The following PLXNA4 variants were observed in gnomAD, a reference collection of about 807,000 sequenced individuals.
PLXNA4 encodes the protein plexin-A4.
A neutral mutation model predicts 191.8 loss-of-function variants in PLXNA4; 44 were observed. The observed-to-expected ratio is 0.23, with a 90% CI of 0.18 to 0.29. The LOEUF is 0.29. PLXNA4 is among the 10% of genes least tolerant of loss of function. The pLI, the probability that PLXNA4 is intolerant of heterozygous loss-of-function variation, is 1.00. For synonymous variants in PLXNA4, 1,082 were observed against 1,009.5 expected (o/e 1.07, Z -1.36); for missense variants, 1,800 against 2,488.8 (o/e 0.72, Z 5.89).
At chr7:132,443,572 C>A (rs1015814930) in intron 3 of PLXNA4, among the ~76,000 whole-genome samples, 1 of 152,146 alleles carries the variant, frequency 6.6e-6, no homozygotes, top group Non-Finnish European at 1.5e-5. Context: ...CGTGCTCAGT[C>A]AATACAAATA....
At chr7:132,167,600 T>C (rs2116662211) in intron 22 of PLXNA4, among the ~76,000 whole-genome samples, 1 of 152,228 alleles carries the variant, frequency 6.6e-6, no homozygotes, top group African/African-American at 2.4e-5. Context: ...AGTGGTGAGA[T>C]CATGGCTCAC....
chr7:132,254,546 A>C (rs780103042), intron 4 of PLXNA4, among the ~76,000 whole-genome samples: 6 of 152,146 alleles, frequency 3.9e-5, no homozygotes, highest in Non-Finnish European at 8.8e-5. Context: ...TGACGATTAA[A>C]TCCTGTTGTC....
At chr7:132,470,845 C>T (rs575560015) in intron 3 of PLXNA4, among the ~76,000 whole-genome samples, 1 of 152,300 alleles carries the variant, frequency 6.6e-6, no homozygotes, top group East Asian at 1.9e-4. Context: ...CCTAGAACCT[C>T]CAAAAAGGGA....
At chr7:132,543,366 G>A (rs568042943) in intron 1 of PLXNA4, among the ~76,000 whole-genome samples, 8 of 152,164 alleles carry the variant, frequency 5.3e-5, no homozygotes, top group South Asian at 2.1e-4. Context: ...TTAGACCCTC[G>A]GCTGCCTCTT....
chr7:132,638,521 G>A (rs1585422172), intron 2 of PLXNA4, among the ~76,000 whole-genome samples: 1 of 152,204 alleles, frequency 6.6e-6, no homozygotes, highest in Middle Eastern at 3.4e-3. Context: ...GCGTGATGGT[G>A]TGTGCCTGTA....
intron 4 of PLXNA4, among the ~76,000 whole-genome samples, chr7:132,244,987 C>T (rs1426607928): frequency 6.6e-6 from 1 of 152,244 alleles, no homozygotes; most frequent in African/African-American, 2.4e-5. Flanking sequence ...CTAGACTTGC[C>T]ACTCACAGCC....
At chr7:132,498,986 G>A (rs1228742469) in intron 2 of PLXNA4, among the ~76,000 whole-genome samples, 2 of 152,228 alleles carry the variant, frequency 1.3e-5, no homozygotes, top group Admixed American at 1.3e-4. Flanking sequence ...AGATATCTAA[G>A]TGGTCTTTCA....
intron 1 of PLXNA4, chr7:132,646,059 A>G (rs1228013923): frequency 6.6e-6 from 1 of 152,636 alleles, no homozygotes; most frequent in East Asian, 1.9e-4. Flanking sequence ...GAGGTACAGT[A>G]TATTATGGAC....
chr7:132,398,757 T>C (rs1023710983), intron 3 of PLXNA4, among the ~76,000 whole-genome samples: 3 of 152,216 alleles, frequency 2.0e-5, no homozygotes, highest in African/African-American at 7.2e-5. Flanking sequence ...TGGGGACAGA[T>C]GCCGACCTAA....
intron 3 of PLXNA4, among the ~76,000 whole-genome samples, chr7:132,427,488 C>A (rs887400057): frequency 2.0e-5 from 3 of 152,186 alleles, no homozygotes; most frequent in African/African-American, 7.2e-5. Context: ...CCCACCCACC[C>A]AGTCATAAAC....
At chr7:132,249,405 G>C (rs531292013) in intron 4 of PLXNA4, among the ~76,000 whole-genome samples, 1 of 152,182 alleles carries the variant, frequency 6.6e-6, no homozygotes, top group Non-Finnish European at 1.5e-5. Flanking sequence ...AGCGAGTGCC[G>C]ACGCCGGAAT....
chr7:132,502,551 C>G (rs1442737104), intron 2 of PLXNA4, among the ~76,000 whole-genome samples: 1 of 152,138 alleles, frequency 6.6e-6, no homozygotes, highest in African/African-American at 2.4e-5. Flanking sequence ...CACTGTAGGG[C>G]CCCGGATCAC....
intron 3 of PLXNA4, among the ~76,000 whole-genome samples, chr7:132,302,117 G>GAGAGAGAGA (rs1801330506): frequency 6.6e-6 from 1 of 152,196 alleles, no homozygotes; most frequent in Non-Finnish European, 1.5e-5. Context: ...GTTTGGCCAT[G>GAGAGAGAGA]GAGAGAGAGA....
chr7:132,419,487 CT>C (rs1563088113), intron 3 of PLXNA4, among the ~76,000 whole-genome samples: 2 of 152,190 alleles, frequency 1.3e-5, no homozygotes, highest in African/African-American at 4.8e-5. Context: ...CAGCTCATGA[CT>C]GAGAATACAC....
At chr7:132,439,738 G>A (rs909020191) in intron 3 of PLXNA4, among the ~76,000 whole-genome samples, 2 of 152,158 alleles carry the variant, frequency 1.3e-5, no homozygotes, top group Non-Finnish European at 2.9e-5. Flanking sequence ...ACCAAAGTTT[G>A]CGGTCCTAAT....
At chr7:132,242,284 C>T (rs748139227) in intron 4 of PLXNA4, among the ~76,000 whole-genome samples, 4 of 152,022 alleles carry the variant, frequency 2.6e-5, no homozygotes, top group Non-Finnish European at 4.4e-5. Flanking sequence ...TTCTTGCCAT[C>T]ATACAACAGG....
chr7:132,225,860 T>C (rs776885348), intron 8 of PLXNA4, among the ~76,000 whole-genome samples: 18 of 152,240 alleles, frequency 1.2e-4, no homozygotes, highest in East Asian at 3.9e-4. Context: ...GTTAGAAGGA[T>C]TGATGTCAGG....
At chr7:132,472,799 C>T (rs1413412998) in intron 3 of PLXNA4, among the ~76,000 whole-genome samples, 1 of 152,178 alleles carries the variant, frequency 6.6e-6, no homozygotes, top group Non-Finnish European at 1.5e-5. Context: ...CCACAAGGAG[C>T]AGGTACAGGT....
At chr7:132,275,741 T>A (rs953748993) in intron 4 of PLXNA4, among the ~76,000 whole-genome samples, 3 of 152,232 alleles carry the variant, frequency 2.0e-5, no homozygotes, top group Non-Finnish European at 4.4e-5. Flanking sequence ...GGTCTAGCAC[T>A]CCTCTAGCTC....
Sources: allele counts gnomAD v4.1 joint callset (sites outside exome capture counted in the v4.1 genomes callset), GRCh38; gene constraint gnomAD v4.1.1; transcripts MANE v1.5; gene names NCBI Gene and HGNC (gene_info 2026-07-23, HGNC 2026-07-21).